Variants in RNF121 observed in about 807,000 individuals in gnomAD.
RNF121 encodes E3 ubiquitin ligase RNF121.
In RNF121, 21 loss-of-function variants were observed where a neutral mutation model predicts 46.5. The observed-to-expected ratio is 0.45, with a 90% CI of 0.32 to 0.65. The LOEUF (loss-of-function observed/expected upper bound fraction) is 0.65. Ranked by LOEUF, RNF121 falls within the 30% of genes least tolerant of loss-of-function variation. The pLI, the probability that RNF121 is intolerant of heterozygous loss-of-function variation, is 0.04. For synonymous variants in RNF121, 139 were observed against 144.7 expected (o/e 0.96, Z 0.28); for missense variants, 346 against 416.0 (o/e 0.83, Z 1.46).
At chr11:71,931,325 G>A (rs1430510602) in intron 1 of RNF121, among the ~76,000 whole-genome samples, 4 of 152,122 alleles carry the variant, frequency 2.6e-5, no homozygotes, top group Non-Finnish European at 5.9e-5. Flanking sequence ...CTGAGAAAAG[G>A]TATAATCTGT....
Position 71,929,144 on chromosome 11 carries a change from G to T in RNF121, c.63+20G>T. The T allele has an allele frequency of 6.5e-7, 1 of 1,549,492 alleles. No individual in the cohort carries two copies. The highest frequency in any genetic ancestry group is 2.4e-5 in the East Asian group (1 of 40,884). On this transcript the variant is annotated intron_variant, in intron 1 of 8. Transcript: ENST00000361756. ...GATGAGGTAAGCGGAGTTGAGAGAC[G>T]AGGAGAGACTCAACCTGAGACTGAG...
chr11:71,948,419 G>A (rs1402917008), intron 1 of RNF121, among the ~76,000 whole-genome samples: 1 of 146,616 alleles, frequency 6.8e-6, no homozygotes, highest in Non-Finnish European at 1.5e-5. Flanking sequence ...GGAGGCTGAG[G>A]CATGAGAATC....
At chr11:71,941,183 AAGG>A (rs372972760) in intron 1 of RNF121, among the ~76,000 whole-genome samples, 5 of 152,348 alleles carry the variant, frequency 3.3e-5, no homozygotes, top group Non-Finnish European at 5.9e-5. Flanking sequence ...AGGTTGGAAA[AAGG>A]AGAATAAATC....
At chr11:71,947,604 C>G (rs189547582) in intron 1 of RNF121, among the ~76,000 whole-genome samples, 5 of 152,186 alleles carry the variant, frequency 3.3e-5, no homozygotes. Flanking sequence ...TTCAATGTGG[C>G]TGGAATGTAA....
At chr11:71,957,452 A>T (rs960377346) in intron 2 of RNF121, among the ~76,000 whole-genome samples, 188 bp downstream of exon 2, 10 of 152,102 alleles carry the variant, frequency 6.6e-5, no homozygotes, top group Non-Finnish European at 1.2e-4. Context: ...TAAGCAGATG[A>T]TTGCACCAAA....
At chr11:71,959,432 T>A (rs1028181805) in intron 2 of RNF121, among the ~76,000 whole-genome samples, 7 of 152,220 alleles carry the variant, frequency 4.6e-5, no homozygotes, top group African/African-American at 9.7e-5. Context: ...TAATGTTTAA[T>A]TGCCCATGGA....
intron 4 of RNF121, among the ~76,000 whole-genome samples, chr11:71,984,745 ATTTTTTTTTTTT>A (rs56134788): frequency 1.1e-5 from 1 of 94,866 alleles, no homozygotes; most frequent in Non-Finnish European, 2.0e-5. Flanking sequence ...CACCCGGCTA[ATTTTTTTTTTTT>A]TTTTTTTTTT....
At chr11:71,974,818 A>G (rs950398642) in intron 3 of RNF121, among the ~76,000 whole-genome samples, 3 of 152,186 alleles carry the variant, frequency 2.0e-5, no homozygotes, top group African/African-American at 7.2e-5. Flanking sequence ...CCACAAACTC[A>G]GTGAATGATG....
intron 3 of RNF121, among the ~76,000 whole-genome samples, chr11:71,980,588 C>T (rs960797546): frequency 1.3e-5 from 2 of 152,168 alleles, no homozygotes; most frequent in Non-Finnish European, 2.9e-5. Flanking sequence ...CTAAGGTGAT[C>T]TACCTGCCTT....
chr11:71,996,112 C>G, intron 8 of RNF121, 83 bp from the exon 9 acceptor site: 1 of 1,526,468 alleles, frequency 6.6e-7, no homozygotes, highest in Non-Finnish European at 8.9e-7. Context: ...GAAAGTGGGG[C>G]AGACCCAGGG....
chr11:71,983,117 T>C, intron 4 of RNF121: 1 of 411,616 alleles, frequency 2.4e-6, no homozygotes, highest in Non-Finnish European at 4.2e-6. Context: ...TCTGTATAGC[T>C]TACTTTATGG....
At chr11:71,941,919 G>T (rs1185569041) in intron 1 of RNF121, among the ~76,000 whole-genome samples, 1 of 147,578 alleles carries the variant, frequency 6.8e-6, no homozygotes, top group South Asian at 2.1e-4. Context: ...TTTATTGAGC[G>T]TGTAATGAGA....
chr11:71,950,944 G>C (rs1276718491), intron 1 of RNF121, among the ~76,000 whole-genome samples: 1 of 152,168 alleles, frequency 6.6e-6, no homozygotes, highest in Admixed American at 6.5e-5. Context: ...CAATAATGAG[G>C]CTGGGTATGG....
intron 1 of RNF121, among the ~76,000 whole-genome samples, chr11:71,950,071 T>TA (rs1446209847): frequency 2.6e-5 from 4 of 151,080 alleles, no homozygotes; most frequent in Admixed American, 6.6e-5. Context: ...ACAAAAAATA[T>TA]AAAAAAAAGA....
intron 3 of RNF121, among the ~76,000 whole-genome samples, chr11:71,963,461 A>G (rs921150667): frequency 3.9e-5 from 6 of 152,132 alleles, no homozygotes; most frequent in African/African-American, 1.4e-4. Context: ...TCTCTAATAA[A>G]AATACAAAAA....
rs755419082 is a variant in RNF121 at position 71,967,180 on chromosome 11, G to GT, written c.243+6295dup. On this transcript the variant is annotated intron_variant, in intron 3 of 8. Coordinates refer to ENST00000361756, the MANE Select transcript of RNF121 (RefSeq NM_018320.5). ...GCCACCGCGCCCGGCCAATATTTGT[G>GT]TTTTTTAAATAACATGTTTATACTG... Among the ~76,000 whole-genome samples the GT allele has an allele frequency of 2.0e-4, 30 of 150,378 alleles. No homozygotes were observed. In the East Asian group the frequency reaches 5.2e-3, roughly 26 times the overall value.
intron 3 of RNF121, among the ~76,000 whole-genome samples, chr11:71,962,866 T>A (rs74387290): frequency 0.024 from 3,678 of 152,304 alleles, 69 homozygotes; most frequent in Non-Finnish European, 0.037. Context: ...ACTTCTTACT[T>A]CTTTCACTCC....
intron 3 of RNF121, among the ~76,000 whole-genome samples, chr11:71,968,893 T>TC (rs1314859938): frequency 2.0e-5 from 3 of 149,814 alleles, no homozygotes; most frequent in Non-Finnish European, 4.5e-5. Context: ...TCTTTCTTTT[T>TC]TTTTTTTTTT....
intron 5 of RNF121, among the ~76,000 whole-genome samples, chr11:71,989,605 G>A (rs1368441754): frequency 1.3e-5 from 2 of 151,908 alleles, no homozygotes; most frequent in Non-Finnish European, 2.9e-5. Context: ...ACATACATAC[G>A]GTTCTTTGTA....
Sources: gnomAD v4.1 joint callset for allele counts (sites outside exome capture counted in the v4.1 genomes callset) on GRCh38, gnomAD v4.1.1 for gene constraint, MANE v1.5 for transcripts, NCBI Gene and HGNC (gene_info 2026-07-23, HGNC 2026-07-21) for gene names.